Variants in ADCY5 observed in about 807,000 individuals in gnomAD.
ADCY5 encodes adenylate cyclase 5.
ADCY5 carries 30 observed loss-of-function variants against 119.7 expected under a neutral mutation model. The observed-to-expected ratio is 0.25, with a 90% CI of 0.19 to 0.34. ADCY5 has a LOEUF of 0.34. Among genes scored for constraint, ADCY5 ranks in the 10% least tolerant of loss-of-function variants. The probability of loss-of-function intolerance (pLI) is 1.00; values close to 1 mark genes in which losing one functional copy is unlikely to be tolerated. For synonymous variants in ADCY5, 753 were observed against 762.2 expected, an observed-to-expected ratio of 0.99 and a Z score of 0.20; for missense variants, 1,324 against 1,775.2, an observed-to-expected ratio of 0.75 and a Z score of 4.57.
intron 1 of ADCY5, among the ~76,000 whole-genome samples, chr3:123,378,521 C>T (rs1056223971): frequency 8.5e-5 from 13 of 152,156 alleles, no homozygotes; most frequent in South Asian, 2.1e-4. Flanking sequence ...GAGGGACAGA[C>T]GGAGGGAGGC....
chr3:123,310,675 G>A (rs542421511), intron 12 of ADCY5, among the ~76,000 whole-genome samples: 1 of 152,308 alleles, frequency 6.6e-6, no homozygotes, highest in Admixed American at 6.5e-5. Flanking sequence ...AGGAGGTTGG[G>A]TTCGTGCAGA....
intron 3 of ADCY5, among the ~76,000 whole-genome samples, chr3:123,336,114 T>A (rs1333296134): frequency 2.0e-5 from 3 of 152,178 alleles, no homozygotes; most frequent in Admixed American, 6.5e-5. Flanking sequence ...ATGCCCGGTA[T>A]CTGGTGTGGC....
chr3:123,422,631 A>T lies in ADCY5; in HGVS notation c.1134+24781T>A, dbSNP rs180671289. Among the ~76,000 whole-genome samples, 655 of 152,286 alleles carry T rather than the reference A, an allele frequency of 4.3e-3. 5 individuals are homozygous for T. Among genetic ancestry groups the T allele is most frequent in the Admixed American group, 9.9e-3 (152 of 15,300 alleles). The stretch of plus-strand genomic sequence containing the variant: ...AGGGCAGAGGCAGTGAGCTCAGCTC[A>T]TGTCTGGTGGCAGGGGGCGCTGCGA... On this transcript the variant is annotated intron_variant, in intron 1 of 20. Transcript: ENST00000462833.
At chr3:123,439,103 C>G (rs1469356376) in intron 1 of ADCY5, among the ~76,000 whole-genome samples, 1 of 5,818 alleles carries the variant, frequency 1.7e-4, no homozygotes, top group Non-Finnish European at 3.8e-4. Context: ...GAGTCTCGCT[C>G]TATCACCCAC....
chr3:123,403,667 A>C (rs553433463), intron 1 of ADCY5, among the ~76,000 whole-genome samples: 86 of 152,288 alleles, frequency 5.6e-4, no homozygotes, highest in African/African-American at 1.9e-3. Context: ...TGCCGTGAGA[A>C]TCAATCAGCC....
intron 1 of ADCY5, among the ~76,000 whole-genome samples, chr3:123,353,302 G>A (rs1942908483): frequency 6.6e-6 from 1 of 152,214 alleles, no homozygotes; most frequent in Non-Finnish European, 1.5e-5. Context: ...TCTTTTGAAG[G>A]GAATACTTAC....
Position 123,448,120 on chromosome 3 carries a change from C to A in ADCY5, c.426G>T (p.Ala142=), listed in dbSNP as rs1240524339. The part of the protein sequence containing the change: ...PAGGGGGSAA[A]AASAGGTEVR... ...CCTCCGTCCCGCCCGCCGAGGCAGC[C>A]GCCGCCGCCGAGCCGCCGCCGCCGC... The change falls in exon 1 of 21, where the codon GCG becomes GCT. Residue 142 remains alanine (A), a synonymous_variant. Coordinates refer to ENST00000462833, the MANE Select transcript of ADCY5 (RefSeq NM_183357.3). The A allele has an allele frequency of 9.3e-7, 1 of 1,074,936 alleles. No individual in the cohort carries two copies. Among genetic ancestry groups the A allele is most frequent in the Non-Finnish European group, 1.1e-6 (1 of 892,102 alleles). The allele number at this position is 1,074,936 out of a possible 1,614,324, so 66.6% of individuals were successfully genotyped here.
At chr3:123,367,461 T>C (rs1943485753) in intron 1 of ADCY5, among the ~76,000 whole-genome samples, 1 of 152,202 alleles carries the variant, frequency 6.6e-6, no homozygotes, top group Admixed American at 6.5e-5. Flanking sequence ...TTATTTATCC[T>C]CCAAGTGCAA....
rs139747522 is a variant in ADCY5, at chr3:123,304,139, C to T, written c.2487G>A (p.Arg829=). ...PLQTLSRKIV[R]SKMNSTLVGV... is the part of the protein sequence containing the mutation. ...CAACCAGGGTGCTGTTCATCTTGGA[C>T]CGCACGATCTTCCTGGAGAGGGTCT... The change falls in exon 13 of 21, where the codon CGG becomes CGA. Residue 829 remains arginine (R), a synonymous_variant. Coordinates refer to ENST00000462833, the MANE Select transcript of ADCY5 (RefSeq NM_183357.3). 15 of 1,613,528 alleles carry T rather than the reference C, an allele frequency of 9.3e-6. No homozygotes were observed. Among genetic ancestry groups the T allele is most frequent in the Non-Finnish European group, 1.2e-5 (14 of 1,179,902 alleles).
At chr3:123,396,698 G>C (rs893766545) in intron 1 of ADCY5, among the ~76,000 whole-genome samples, 1 of 144,598 alleles carries the variant, frequency 6.9e-6, no homozygotes. Context: ...AAGAGAGAGA[G>C]AGAGGGAGGG....
chr3:123,382,555 T>C (rs1157236104), intron 1 of ADCY5, among the ~76,000 whole-genome samples: 2 of 152,236 alleles, frequency 1.3e-5, no homozygotes, highest in Non-Finnish European at 2.9e-5. Context: ...AGATAAAATA[T>C]GCTATCTATA....
rs901705973 is a variant in ADCY5 at position 123,448,755 on chromosome 3, C to T, written c.-210G>A. The T allele has an allele frequency of 7.4e-5, 31 of 416,270 alleles. No individual in the cohort carries two copies. Among genetic ancestry groups the T allele is most frequent in the Non-Finnish European group, 1.3e-4 (31 of 244,018 alleles). The allele number at this position is 416,270 out of a possible 1,614,324, so 25.8% of individuals were successfully genotyped here. On this transcript the variant is annotated 5_prime_UTR_variant, in exon 1 of 21. Transcript: ENST00000462833. Reference sequence around the variant, plus strand: ...CCCGAGGTGAGAAGTAGCTGAGGATCCGCGTCAGAAGTCCCAGGTCCGAAA... The same window carrying T: ...CCCGAGGTGAGAAGTAGCTGAGGATTCGCGTCAGAAGTCCCAGGTCCGAAA...
intron 14 of ADCY5, among the ~76,000 whole-genome samples, chr3:123,302,259 C>T (rs1344596103): frequency 2.6e-5 from 4 of 152,214 alleles, no homozygotes; most frequent in African/African-American, 7.2e-5. Flanking sequence ...GTACCATGAA[C>T]GAAGCAACTT....
chr3:123,346,402 G>T (rs1412116222), intron 3 of ADCY5, among the ~76,000 whole-genome samples: 1 of 152,180 alleles, frequency 6.6e-6, no homozygotes, highest in African/African-American at 2.4e-5. Context: ...TGGGGGGTTG[G>T]GAGACCCCCA....
chr3:123,424,587 G>T (rs1279698063), intron 1 of ADCY5, among the ~76,000 whole-genome samples: 1 of 152,208 alleles, frequency 6.6e-6, no homozygotes, highest in African/African-American at 2.4e-5. Context: ...CGAGGCCTTG[G>T]TGGCTGGGGG....
At chr3:123,348,469 T>C (rs6438789) in intron 2 of ADCY5, among the ~76,000 whole-genome samples, 151,175 of 152,226 alleles carry the variant, frequency 0.99, 75,082 homozygotes, top group East Asian at 1. Flanking sequence ...GGGTCTGGGG[T>C]GCCACTATGG....
chr3:123,332,697 A>G, intron 3 of ADCY5, 22 bp from the exon 4 acceptor site: 1 of 1,485,270 alleles, frequency 6.7e-7, no homozygotes, highest in African/African-American at 1.4e-5. Flanking sequence ...GCAGAGGAGG[A>G]AGACCCTGCT....
intron 1 of ADCY5, among the ~76,000 whole-genome samples, chr3:123,424,592 T>C (rs1945364357): frequency 6.6e-6 from 1 of 152,180 alleles, no homozygotes; most frequent in South Asian, 2.1e-4. Context: ...CCTTGGTGGC[T>C]GGGGGCATTT....
Position 123,286,939 on chromosome 3 carries a change from T to C in ADCY5, c.3533-130A>G, listed in dbSNP as rs377621502. On this transcript the variant is annotated intron_variant, in intron 19 of 20. Transcript: ENST00000462833. The surrounding 1 kb of genome is among the most constrained non-coding windows in gnomAD (Gnocchi z 4.2). ...ACCCGTGGGCTTCCAGGCCCAAGGC[T>C]GTGCTAAACCCTGCAGCCTCCCGCT... 178 of 1,315,688 alleles carry C rather than the reference T, an allele frequency of 1.4e-4. No homozygotes were observed. The African/African-American group carries it at 2.0e-3, about 15-fold the overall frequency. 81.5% of individuals were successfully genotyped at this position (1,315,688 alleles called of 1,614,324 possible). A position where few individuals can be genotyped will look rare whatever the true frequency, so the allele number is the denominator to read the frequency against.
Sources: allele counts gnomAD v4.1 joint callset (sites outside exome capture counted in the v4.1 genomes callset), GRCh38; gene constraint gnomAD v4.1.1; non-coding constraint Gnocchi (gnomAD v3.1); transcripts MANE v1.5; gene names NCBI Gene and HGNC (gene_info 2026-07-23, HGNC 2026-07-21).